The following ART3 variants were observed in gnomAD, a reference collection of about 807,000 sequenced individuals.
ART3 encodes the protein ecto-ADP-ribosyltransferase 3.
ART3 carries 49 observed loss-of-function variants against 48.5 expected under a neutral mutation model. That is an observed-to-expected ratio of 1.01 (90% CI 0.80 to 1.28). The LOEUF (loss-of-function observed/expected upper bound fraction) is 1.28. Among genes scored for constraint, ART3 ranks in the 50% most tolerant of loss-of-function variants. The pLI, the probability that ART3 is intolerant of heterozygous loss-of-function variation, is 0.00. For synonymous variants in ART3, 145 were observed against 157.2 expected (o/e 0.92, Z 0.58); for missense variants, 438 against 454.3 (o/e 0.96, Z 0.33).
intron 1 of ART3, among the ~76,000 whole-genome samples, chr4:76,032,407 A>G (rs1047479724): frequency 6.6e-6 from 1 of 151,944 alleles, no homozygotes; most frequent in Non-Finnish European, 1.5e-5. Flanking sequence ...AATTTTCGCT[A>G]TGTTGCCCAA....
At chr4:76,100,944 C>G (rs1220628297) in intron 7 of ART3, 46 bp from the exon 8 acceptor site, 6 of 1,608,900 alleles carry the variant, frequency 3.7e-6, no homozygotes, top group Non-Finnish European at 3.4e-6. Context: ...ACTGCCAATT[C>G]TTTTGTTCCA....
chr4:76,030,422 A>G (rs151110799), intron 1 of ART3, among the ~76,000 whole-genome samples: 2 of 152,340 alleles, frequency 1.3e-5, no homozygotes, highest in East Asian at 3.9e-4. Context: ...ACTTGTCATT[A>G]TATTTCTACT....
At chr4:76,042,122 G>T (rs1735030894) in intron 1 of ART3, among the ~76,000 whole-genome samples, 1 of 152,104 alleles carries the variant, frequency 6.6e-6, no homozygotes, top group South Asian at 2.1e-4. Flanking sequence ...CACCTTTTCA[G>T]CTTAAAAAAT....
At chr4:76,020,058 G>A (rs1329944276) in intron 1 of ART3, among the ~76,000 whole-genome samples, 1 of 150,998 alleles carries the variant, frequency 6.6e-6, no homozygotes, top group South Asian at 2.1e-4. Flanking sequence ...GAACATCTTT[G>A]TATGTTAGGG....
chr4:76,082,591 C>T, intron 3 of ART3, 56 bp downstream of exon 3: 1 of 1,430,030 alleles, frequency 7.0e-7, no homozygotes, highest in South Asian at 1.4e-5. Context: ...GATTCTTAGG[C>T]TTAGGGAAAG....
chr4:76,049,113 C>A (rs58591414), intron 1 of ART3, among the ~76,000 whole-genome samples: 19,832 of 151,870 alleles, frequency 0.13, 1,850 homozygotes, highest in East Asian at 0.39. Flanking sequence ...CCCACTATGA[C>A]GGGGCTTTGG....
intron 1 of ART3, among the ~76,000 whole-genome samples, chr4:76,064,126 C>T (rs889088299): frequency 6.6e-6 from 1 of 152,066 alleles, no homozygotes; most frequent in Non-Finnish European, 1.5e-5. Context: ...AGTTGTTGGC[C>T]TGGAGAGCAG....
chr4:76,061,490 T>C (rs2149480926), intron 1 of ART3, among the ~76,000 whole-genome samples: 1 of 152,354 alleles, frequency 6.6e-6, no homozygotes, highest in Admixed American at 6.5e-5. Context: ...TAAAATGTCT[T>C]GGTAATTTAT....
At chr4:76,020,480 C>G (rs900633352) in intron 1 of ART3, among the ~76,000 whole-genome samples, 3 of 152,082 alleles carry the variant, frequency 2.0e-5, no homozygotes, top group African/African-American at 7.2e-5. Context: ...TTGTGAAGAT[C>G]TTCTTAGTAA....
chr4:76,084,048 TTTTG>T (rs1296251185), intron 3 of ART3, among the ~76,000 whole-genome samples: 4 of 152,152 alleles, frequency 2.6e-5, no homozygotes, highest in African/African-American at 9.7e-5. Context: ...TCTATGATTT[TTTTG>T]TTTGTTTCCT....
chr4:76,094,612 G>C (rs1285001026), intron 3 of ART3, among the ~76,000 whole-genome samples: 2 of 152,200 alleles, frequency 1.3e-5, no homozygotes, highest in Admixed American at 6.5e-5. Flanking sequence ...TCTCACTGCT[G>C]AGGCTGTACC....
chr4:76,032,390 A>G (rs2149398605), intron 1 of ART3, among the ~76,000 whole-genome samples: 1 of 152,074 alleles, frequency 6.6e-6, no homozygotes, highest in South Asian at 2.1e-4. Flanking sequence ...TATTTTTTAT[A>G]GAGATGAATT....
At chr4:76,035,162 T>C in intron 1 of ART3, 1 of 1,613,058 alleles carries the variant, frequency 6.2e-7, no homozygotes, top group Non-Finnish European at 8.5e-7. Flanking sequence ...TAGATGCAAA[T>C]ACATAAACAA....
chr4:76,022,576 A>C lies in ART3; in HGVS notation c.-10+11256A>C, dbSNP rs962091812. On this transcript the variant is annotated intron_variant, in intron 1 of 9. Transcript: ENST00000341029. ...CTCTGCATGTTTTTGTTTGCTGTAC[A>C]TTAGTTTTAGAATCATCACAAACCC... is the stretch of plus-strand genomic sequence containing the variant. The C allele has an allele frequency of 2.7e-6, 4 of 1,478,630 alleles. No individual in the cohort carries two copies. The Admixed American group carries it at 5.4e-5, about 20-fold the overall frequency. 91.6% of individuals were successfully genotyped at this position (1,478,630 alleles called of 1,614,324 possible).
chr4:76,034,626 C>A, intron 1 of ART3: 1 of 646,030 alleles, frequency 1.5e-6, no homozygotes, highest in South Asian at 1.9e-5. Context: ...TTGGTCCTTT[C>A]ACCCACCTTT....
intron 8 of ART3, 75 bp from the exon 9 acceptor site, chr4:76,103,862 A>G: frequency 7.6e-7 from 1 of 1,324,450 alleles, no homozygotes; most frequent in East Asian, 2.4e-5. Context: ...AAATGGAGGA[A>G]ATATAGACAA....
At chr4:76,023,476 C>T (rs759807549) in intron 1 of ART3, 1 of 1,548,536 alleles carries the variant, frequency 6.5e-7, no homozygotes, top group Admixed American at 1.7e-5. Context: ...CAGAATATGT[C>T]TAAGCAATTG....
intron 1 of ART3, among the ~76,000 whole-genome samples, chr4:76,043,659 G>A (rs1223015750): frequency 1.3e-5 from 2 of 151,934 alleles, no homozygotes; most frequent in Non-Finnish European, 2.9e-5. Flanking sequence ...GTTCCCACTG[G>A]CGCCTGTCCC....
intron 1 of ART3, among the ~76,000 whole-genome samples, chr4:76,061,280 A>G (rs914249814): frequency 6.6e-6 from 1 of 152,188 alleles, no homozygotes; most frequent in African/African-American, 2.4e-5. Flanking sequence ...CTAACCATTC[A>G]GACTCCTTAG....
Sources: gnomAD v4.1 joint callset for allele counts (sites outside exome capture counted in the v4.1 genomes callset) on GRCh38, gnomAD v4.1.1 for gene constraint, MANE v1.5 for transcripts, NCBI Gene and HGNC (gene_info 2026-07-23, HGNC 2026-07-21) for gene names.